RNF150: variants seen among roughly 807,000 people sequenced by gnomAD.
RNF150 encodes ring finger protein 150.
Under a neutral mutation model 39.3 loss-of-function variants are expected in RNF150, and 24 were observed. The ratio of observed to expected loss-of-function variants is 0.61; its 90% CI spans 0.44 to 0.86. The LOEUF is 0.86. Ranked by LOEUF, RNF150 falls within the 40% of genes least tolerant of loss-of-function variation. The probability of loss-of-function intolerance (pLI) is 0.00; values close to 1 mark genes in which losing one functional copy is unlikely to be tolerated. For missense variants in RNF150, 502 were observed against 587.8 expected (o/e 0.85, Z 1.51); for synonymous variants, 255 against 227.3 (o/e 1.12, Z -1.10).
In RNF150 at chr4:140,987,601, T is replaced by C. The variant is rs569007723; in HGVS notation, c.485-19728A>G. Among the ~76,000 whole-genome samples, 20 of 152,114 alleles carry C rather than the reference T, an allele frequency of 1.3e-4. 1 individual carries two copies. The South Asian group carries it at 4.2e-3, about 32-fold the overall frequency. ...AAATTGGACCCTTCCCATTCACACA[T>C]ACAAAAATTAACTCAAGATAGATTA... On this transcript the variant is annotated intron_variant, in intron 1 of 6. Transcript: ENST00000515673.
Position 140,959,199 on chromosome 4 carries a change from A to G in RNF150, c.735+8424T>C, listed in dbSNP as rs538922190. ...TAAGACTCTGATTCTACTTCGCACC[A>G]AAACCATTGTTAGATATAAACCCTA... On this transcript the variant is annotated intron_variant, in intron 2 of 6. Transcript: ENST00000515673. 2.0e-5 allele frequency among the ~76,000 whole-genome samples: 3 copies of G among 152,274 alleles called. No individual in the cohort carries two copies. The South Asian group carries it at 6.2e-4, about 32-fold the overall frequency.
At chr4:141,067,951 CT>C (rs59761096) in intron 1 of RNF150, among the ~76,000 whole-genome samples, 36,272 of 145,498 alleles carry the variant, frequency 0.25, 4,201 homozygotes, top group Middle Eastern at 0.4. Flanking sequence ...AGTCAAGATA[CT>C]TTTTTTTTTT....
At chr4:140,985,124 G>A (rs1402049366) in intron 1 of RNF150, among the ~76,000 whole-genome samples, 2 of 152,030 alleles carry the variant, frequency 1.3e-5, no homozygotes, top group Non-Finnish European at 2.9e-5. Flanking sequence ...AATGGCTCAT[G>A]CCTTAGTGAC....
At chr4:141,161,743 T>A (rs1301503266) in intron 1 of RNF150, among the ~76,000 whole-genome samples, 1 of 152,186 alleles carries the variant, frequency 6.6e-6, no homozygotes, top group Non-Finnish European at 1.5e-5. Flanking sequence ...TAGCTGTGGC[T>A]CAAAGGGGCC....
intron 6 of RNF150, among the ~76,000 whole-genome samples, chr4:140,893,014 C>A (rs1729812087): frequency 6.6e-6 from 1 of 152,048 alleles, no homozygotes; most frequent in South Asian, 2.1e-4. Flanking sequence ...CTGCAGTGAG[C>A]CATGATTGCA....
chr4:140,885,986 C>T (rs939845849), intron 6 of RNF150, among the ~76,000 whole-genome samples: 6 of 151,844 alleles, frequency 4.0e-5, no homozygotes, highest in Non-Finnish European at 7.4e-5. Flanking sequence ...GTCAGGAGAT[C>T]GAGACCATCC....
At chr4:141,093,934 A>C (rs1031267452) in intron 1 of RNF150, among the ~76,000 whole-genome samples, 2 of 152,228 alleles carry the variant, frequency 1.3e-5, no homozygotes, top group African/African-American at 4.8e-5. Context: ...AGAGGCTATA[A>C]AAGTTGACTA....
chr4:140,898,962 A>T (rs1730070968), intron 6 of RNF150, among the ~76,000 whole-genome samples: 1 of 152,196 alleles, frequency 6.6e-6, no homozygotes, highest in Admixed American at 6.5e-5. Context: ...ATTTTGATGG[A>T]ACTCTGGTCT....
At chr4:141,106,781 C>T (rs555409171) in intron 1 of RNF150, among the ~76,000 whole-genome samples, 7 of 151,676 alleles carry the variant, frequency 4.6e-5, no homozygotes, top group South Asian at 2.1e-4. Context: ...GTGAAAAGAG[C>T]GAAATTCCAT....
intron 6 of RNF150, among the ~76,000 whole-genome samples, chr4:140,885,209 T>C (rs1470077294): frequency 6.7e-6 from 1 of 149,230 alleles, no homozygotes; most frequent in Non-Finnish European, 1.5e-5. Context: ...GTCTTTTTTT[T>C]TTTTTTTTTG....
chr4:140,934,348 A>G (rs1476220136), intron 4 of RNF150, among the ~76,000 whole-genome samples: 2 of 152,204 alleles, frequency 1.3e-5, no homozygotes, highest in African/African-American at 4.8e-5. Flanking sequence ...ACAAACGGAA[A>G]AAAGCTGCAA....
intron 1 of RNF150, among the ~76,000 whole-genome samples, chr4:140,999,984 A>AAG (rs1491225196): frequency 3.5e-5 from 1 of 28,768 alleles, no homozygotes; most frequent in Admixed American, 6.8e-4. Flanking sequence ...AGAAAAGAAG[A>AAG]AAAGAAGAAA....
chr4:141,176,141 A>G (rs1578781480), intron 1 of RNF150, among the ~76,000 whole-genome samples: 1 of 151,382 alleles, frequency 6.6e-6, no homozygotes, highest in Non-Finnish European at 1.5e-5. Flanking sequence ...CAAGTGATCC[A>G]CCTGCCTCAG....
intron 1 of RNF150, among the ~76,000 whole-genome samples, chr4:141,153,684 G>A (rs913083392): frequency 6.6e-6 from 1 of 152,176 alleles, no homozygotes; most frequent in Non-Finnish European, 1.5e-5. Flanking sequence ...AGATGATATA[G>A]TAGGTTTCAA....
At chr4:141,098,343 T>C (rs1738879625) in intron 1 of RNF150, among the ~76,000 whole-genome samples, 1 of 152,178 alleles carries the variant, frequency 6.6e-6, no homozygotes, top group Non-Finnish European at 1.5e-5. Flanking sequence ...CTCCAAGTGC[T>C]AGGGCAGGCC....
intron 1 of RNF150, among the ~76,000 whole-genome samples, chr4:141,024,603 T>C (rs1052966032): frequency 3.3e-5 from 5 of 152,062 alleles, no homozygotes; most frequent in Non-Finnish European, 5.9e-5. Flanking sequence ...GCTATCAACC[T>C]AAATAATCAA....
chr4:140,985,457 C>A (rs1733988203), intron 1 of RNF150, among the ~76,000 whole-genome samples: 1 of 152,054 alleles, frequency 6.6e-6, no homozygotes, highest in Non-Finnish European at 1.5e-5. Context: ...AAAGAGAGAG[C>A]ATTCACTGAG....
Position 141,022,818 on chromosome 4 carries a change from A to C in RNF150, c.485-54945T>G, listed in dbSNP as rs923787545. Reference sequence around the variant, plus strand: ...TTTCTGTATCACCAAACAAAGTGTCACAAAAAATTTTCTGGAAAAGTATTA... The same window carrying C: ...TTTCTGTATCACCAAACAAAGTGTCCCAAAAAATTTTCTGGAAAAGTATTA... On this transcript the variant is annotated intron_variant, in intron 1 of 6. Coordinates refer to ENST00000515673, the MANE Select transcript of RNF150 (RefSeq NM_020724.2). 9.2e-5 allele frequency among the ~76,000 whole-genome samples: 14 copies of C among 152,166 alleles called. No individual in the cohort carries two copies. The East Asian group carries it at 2.7e-3, about 29-fold the overall frequency.
At chr4:141,167,190 C>T (rs1727619952) in intron 1 of RNF150, among the ~76,000 whole-genome samples, 1 of 152,066 alleles carries the variant, frequency 6.6e-6, no homozygotes, top group African/African-American at 2.4e-5. Context: ...AACGTCCATT[C>T]ACAGTTGCTA....
Sources: gnomAD v4.1 joint callset for allele counts (sites outside exome capture counted in the v4.1 genomes callset) on GRCh38, gnomAD v4.1.1 for gene constraint, MANE v1.5 for transcripts, NCBI Gene and HGNC (gene_info 2026-07-23, HGNC 2026-07-21) for gene names.